GABRG1: variants seen among roughly 807,000 people sequenced by gnomAD.
The protein encoded by GABRG1 is gamma-aminobutyric acid type A receptor subunit gamma1, also known as gamma-aminobutyric acid receptor subunit gamma-1.
Under a neutral mutation model 49.8 loss-of-function variants are expected in GABRG1, and 49 were observed. The ratio of observed to expected loss-of-function variants is 0.98; its 90% CI spans 0.78 to 1.25. The LOEUF (loss-of-function observed/expected upper bound fraction) is 1.25. Ranked by LOEUF, GABRG1 falls within the 50% of genes most tolerant of loss-of-function variation. GABRG1 has a pLI of 0.00. For missense variants in GABRG1, 552 were observed against 552.3 expected, an observed-to-expected ratio of 1.00 and a Z score of 0.01; for synonymous variants, 232 against 185.1, an observed-to-expected ratio of 1.25 and a Z score of -2.06.
chr4:46,073,070 T>G (rs1424260879), intron 3 of GABRG1, among the ~76,000 whole-genome samples: 1 of 151,896 alleles, frequency 6.6e-6, no homozygotes, highest in Non-Finnish European at 1.5e-5. Context: ...AAAAAATAAT[T>G]ATCCAAAAAC....
chr4:46,070,336 CAA>C lies in GABRG1; in HGVS notation c.322-4754_322-4753del, dbSNP rs888498453. On this transcript the variant is annotated intron_variant, in intron 3 of 8. Transcript: ENST00000295452. The stretch of plus-strand genomic sequence containing the variant: ...ATTATATAATATTCTGTATAAAAAT[CAA>C]AAGAGTAAAATATCAAACATTATAT... Among the ~76,000 whole-genome samples, 20 of 151,638 alleles carry C rather than the reference CAA, an allele frequency of 1.3e-4. No individual in the cohort carries two copies. In the East Asian group the frequency reaches 3.1e-3, roughly 24 times the overall value.
chr4:46,065,782 A>G (rs1191520157), intron 3 of GABRG1, among the ~76,000 whole-genome samples, 198 bp from the exon 4 acceptor site: 5 of 151,938 alleles, frequency 3.3e-5, no homozygotes, highest in Admixed American at 2.0e-4. Flanking sequence ...GAGTGCAGTG[A>G]TGCAATCTCG....
intron 7 of GABRG1, among the ~76,000 whole-genome samples, chr4:46,054,150 A>T (rs1295195202): frequency 2.1e-5 from 1 of 47,494 alleles, no homozygotes; most frequent in Non-Finnish European, 3.9e-5. Context: ...CAAAGATCAG[A>T]TAGTTGTAGA....
intron 8 of GABRG1, 29 bp from the exon 9 acceptor site, chr4:46,041,283 C>A: frequency 1.9e-6 from 3 of 1,599,480 alleles, no homozygotes; most frequent in Non-Finnish European, 2.6e-6. Context: ...GAATTTTTGA[C>A]ATCAAAAAAG....
rs559620264 is a variant in GABRG1 at position 46,052,544 on chromosome 4, T to C, written c.917-906A>G. Among the ~76,000 whole-genome samples, 91 of 152,010 alleles carry C rather than the reference T, an allele frequency of 6.0e-4. 1 individual carries two copies. The highest frequency in any genetic ancestry group is 5.8e-3 in the Admixed American group (88 of 15,206). On this transcript the variant is annotated intron_variant, in intron 7 of 8. Coordinates refer to ENST00000295452, the MANE Select transcript of GABRG1 (RefSeq NM_173536.4). ...GGGTCCCAATCCTGTATGTGTATCC[T>C]TGAAGGGATCTGTTTCTCATCAGTC...
At chr4:46,103,287 AGGCCATTT>A (rs1560371590) in intron 1 of GABRG1, among the ~76,000 whole-genome samples, 3 of 151,112 alleles carry the variant, frequency 2.0e-5, no homozygotes, top group Non-Finnish European at 4.4e-5. Context: ...TTGATTGATG[AGGCCATTT>A]ACATACTTCA....
At chr4:46,052,245 T>C (rs1718255014) in intron 7 of GABRG1, among the ~76,000 whole-genome samples, 1 of 150,840 alleles carries the variant, frequency 6.6e-6, no homozygotes, top group Non-Finnish European at 1.5e-5. Context: ...AAAAAAGAAA[T>C]ACCTACCCCT....
chr4:46,085,627 A>G (rs1466922068), intron 2 of GABRG1, among the ~76,000 whole-genome samples: 1 of 151,556 alleles, frequency 6.6e-6, no homozygotes, highest in African/African-American at 2.4e-5. Context: ...AGACTAAAAT[A>G]TTTCATATTA....
intron 2 of GABRG1, among the ~76,000 whole-genome samples, chr4:46,090,249 A>G (rs1348941865): frequency 2.0e-5 from 3 of 152,086 alleles, no homozygotes; most frequent in Non-Finnish European, 4.4e-5. Flanking sequence ...TATCCAGGAC[A>G]TATTTAACCT....
intron 1 of GABRG1, among the ~76,000 whole-genome samples, chr4:46,114,905 A>G (rs1720837417): frequency 6.6e-6 from 1 of 150,910 alleles, no homozygotes; most frequent in Non-Finnish European, 1.5e-5. Context: ...AAGCGGAACT[A>G]TAACAGGGAA....
chr4:46,063,476 C>T (rs1029243086), intron 5 of GABRG1, among the ~76,000 whole-genome samples: 2 of 152,128 alleles, frequency 1.3e-5, no homozygotes, highest in African/African-American at 4.8e-5. Flanking sequence ...GGAAAACTGG[C>T]TAGCCATATG....
At chr4:46,070,545 ATTC>A (rs1719079469) in intron 3 of GABRG1, among the ~76,000 whole-genome samples, 1 of 152,026 alleles carries the variant, frequency 6.6e-6, no homozygotes, top group Admixed American at 6.6e-5. Context: ...GGAGCAAGCT[ATTC>A]TTGTGAGCTT....
intron 5 of GABRG1, among the ~76,000 whole-genome samples, chr4:46,062,981 A>C (rs1718762009): frequency 1.3e-5 from 2 of 151,580 alleles, no homozygotes; most frequent in Non-Finnish European, 2.9e-5. Flanking sequence ...GGACCTCTTC[A>C]AGGAGAACTA....
chr4:46,062,772 T>C (rs13149819), intron 5 of GABRG1, among the ~76,000 whole-genome samples: 3 of 152,104 alleles, frequency 2.0e-5, no homozygotes, highest in East Asian at 1.9e-4. Flanking sequence ...GAAAACCCCA[T>C]TGTCTCAGCC....
intron 8 of GABRG1, among the ~76,000 whole-genome samples, chr4:46,043,681 A>G (rs1480456267): frequency 6.6e-6 from 1 of 152,024 alleles, no homozygotes; most frequent in Admixed American, 6.6e-5. Context: ...CAGTTAAAGC[A>G]ATTTAAAAAG....
At chr4:46,086,586 A>T (rs1035462730) in intron 2 of GABRG1, among the ~76,000 whole-genome samples, 1 of 151,494 alleles carries the variant, frequency 6.6e-6, no homozygotes, top group Non-Finnish European at 1.5e-5. Flanking sequence ...TTGTCACAGA[A>T]TAGGCCTTAA....
At chr4:46,068,173 T>C (rs1718987911) in intron 3 of GABRG1, among the ~76,000 whole-genome samples, 1 of 152,148 alleles carries the variant, frequency 6.6e-6, no homozygotes, top group African/African-American at 2.4e-5. Context: ...CTAAATGCCC[T>C]GGAAAGAGCA....
rs1302561778 is a variant in GABRG1, at chr4:46,066,510, C to A, written c.322-926G>T. ...CTATTAATAGAAATATAAAATAATT[C>A]TTCTCACATCACAGAACTAATAAGC... On this transcript the variant is annotated intron_variant, in intron 3 of 8. Transcript: ENST00000295452. 4.6e-5 allele frequency among the ~76,000 whole-genome samples: 7 copies of A among 152,180 alleles called. No individual in the cohort carries two copies. In the East Asian group the frequency reaches 1.4e-3, roughly 29 times the overall value.
At chr4:46,060,876 G>C (rs776812892) in intron 5 of GABRG1, among the ~76,000 whole-genome samples, 78 of 152,044 alleles carry the variant, frequency 5.1e-4, no homozygotes, top group Non-Finnish European at 1.0e-3. Context: ...TGGCTAAATA[G>C]CCACTCTGAA....
Sources: gnomAD v4.1 joint callset for allele counts (sites outside exome capture counted in the v4.1 genomes callset) on GRCh38, gnomAD v4.1.1 for gene constraint, MANE v1.5 for transcripts, NCBI Gene and HGNC (gene_info 2026-07-23, HGNC 2026-07-21) for gene names.